Variants in ZNF865 observed in about 807,000 individuals in gnomAD.
The protein encoded by ZNF865 is zinc finger protein 865.
For missense variants in ZNF865, 1,311 were observed against 1,593.4 expected, an observed-to-expected ratio of 0.82 and a Z score of 3.02; for synonymous variants, 763 against 750.8, an observed-to-expected ratio of 1.02 and a Z score of -0.27.
In ZNF865 at chr19:55,614,122, G is replaced by C; in HGVS notation, c.504G>C (p.Ala168=). ...LFGNLKRGGP[A]SGPGVTPGLG... ...GGAACCTGAAGCGAGGAGGGCCCGCGTCCGGGCCGGGGGTGACGCCTGGGC... is the reference window on the plus strand; with the variant it reads ...GGAACCTGAAGCGAGGAGGGCCCGCCTCCGGGCCGGGGGTGACGCCTGGGC... Residue 168 remains alanine (A), a synonymous_variant, in exon 2 of 2, where the codon GCG becomes GCC. Transcript: ENST00000568956. The surrounding 1 kb of genome is among the most constrained non-coding windows in gnomAD (Gnocchi z 8.0). The C allele has an allele frequency of 7.0e-7, 1 of 1,428,548 alleles. No homozygotes were observed. Among genetic ancestry groups the C allele is most frequent in the Non-Finnish European group, 9.1e-7 (1 of 1,100,880 alleles). The allele number at this position is 1,428,548 out of a possible 1,614,324, so 88.5% of individuals were successfully genotyped here. A position where few individuals can be genotyped will look rare whatever the true frequency, so the allele number is the denominator to read the frequency against.
In ZNF865 at chr19:55,615,631, C is replaced by T; in HGVS notation, c.2013C>T (p.Cys671=). 1 of 1,534,548 alleles carries T rather than the reference C, an allele frequency of 6.5e-7. No homozygotes were observed. Among genetic ancestry groups the T allele is most frequent in the Non-Finnish European group, 8.7e-7 (1 of 1,146,230 alleles). ...AGPTDGLSYA[C]SDCGEHFPDL... ...CCACCGATGGGCTGAGCTACGCCTG[C>T]TCGGACTGCGGCGAGCACTTCCCGG... The change falls in exon 2 of 2, where the codon TGC becomes TGT. Residue 671 remains cysteine, a synonymous_variant. Coordinates refer to ENST00000568956, the MANE Select transcript of ZNF865 (RefSeq NM_001195605.2).
At chr19:55,613,454 G>A in intron 1 of ZNF865, 139 bp from the exon 2 acceptor site, 1 of 771,750 alleles carries the variant, frequency 1.3e-6, no homozygotes. Flanking sequence ...GGGTGGACAG[G>A]CAGAGGGACT....
At position 55,616,431 on chromosome 19, in the gene ZNF865, G is replaced by A. The variant is rs868713413; in HGVS notation, c.2813G>A (p.Gly938Asp). 7 of 1,520,110 alleles carry A rather than the reference G, an allele frequency of 4.6e-6. No individual in the cohort carries two copies. Among genetic ancestry groups the A allele is most frequent in the African/African-American group, 1.4e-5 (1 of 72,388 alleles). 94.2% of individuals were successfully genotyped at this position (1,520,110 alleles called of 1,614,324 possible). The change falls in exon 2 of 2, where the codon GGC (glycine) becomes GAC (aspartate). Residue 938 changes from glycine to aspartate, a missense_variant. Physicochemically the swap from Gly to Asp is moderately conservative, Grantham distance 94. Coordinates refer to ENST00000568956, the MANE Select transcript of ZNF865 (RefSeq NM_001195605.2). ...CGGCCCCAGCGCTGCAGCGCCTGTG[G>A]CAAGACCTTCCGCTACCGCTCCAAC... ...VARPQRCSAC[G>D]KTFRYRSNLL...
At position 55,614,636 on chromosome 19, in the gene ZNF865, C is replaced by T. The variant is rs901033817; in HGVS notation, c.1018C>T (p.Pro340Ser). The part of the protein sequence containing the change: ...SAAPAGVGVP[P>S]PATGGGDGPF... ...CGCCCCTGCTGGTGTTGGGGTGCCC[C>T]CTCCTGCCACCGGGGGTGGCGATGG... The change falls in exon 2 of 2, where the codon CCT becomes TCT. Residue 340 changes from proline to serine, a missense_variant. Transcript: ENST00000568956. This position sits in a 1 kb window ranked among gnomAD's most constrained non-coding sequence, Gnocchi z 8.0. 1 of 1,532,950 alleles carries T rather than the reference C, an allele frequency of 6.5e-7. No homozygotes were observed. Among genetic ancestry groups the T allele is most frequent in the African/African-American group, 1.4e-5 (1 of 72,738 alleles). 95.0% of individuals were successfully genotyped at this position (1,532,950 alleles called of 1,614,324 possible).
intron 1 of ZNF865, chr19:55,612,615 C>A (rs994137947): frequency 6.6e-6 from 1 of 152,494 alleles, no homozygotes; most frequent in African/African-American, 2.4e-5. Context: ...AGCTCTCCTG[C>A]CTCAGCCTCC....
chr19:55,606,650 C>T (rs1980954613), intron 1 of ZNF865, among the ~76,000 whole-genome samples: 1 of 152,226 alleles, frequency 6.6e-6, no homozygotes, highest in African/African-American at 2.4e-5. Context: ...AGGCTATCGT[C>T]CTGGACTCCC....
Position 55,613,790 on chromosome 19 carries a change from C to T in ZNF865, c.172C>T (p.Leu58=). The T allele has an allele frequency of 6.5e-7, 1 of 1,529,996 alleles. No individual in the cohort carries two copies. The highest frequency in any genetic ancestry group is 1.7e-4 in the Middle Eastern group (1 of 5,796). The allele number at this position is 1,529,996 out of a possible 1,614,324, so 94.8% of individuals were successfully genotyped here. A position where few individuals can be genotyped will look rare whatever the true frequency, so the allele number is the denominator to read the frequency against. Residue 58 remains leucine (L), a synonymous_variant, in exon 2 of 2, where the codon CTG becomes TTG. Transcript: ENST00000568956. The stretch of plus-strand genomic sequence containing the variant: ...GGAACACGCCAAGGCGGTGGCGGCC[C>T]TGCCCTGCGCCCCCGGCCCCCCGCC... ...YGEHAKAVAA[L]PCAPGPPPQP...
At chr19:55,608,259 G>T (rs954363114) in intron 1 of ZNF865, among the ~76,000 whole-genome samples, 14 of 151,990 alleles carry the variant, frequency 9.2e-5, no homozygotes, top group Non-Finnish European at 2.1e-4. Flanking sequence ...GAATAGAGTG[G>T]GCACATGGGA....
At position 55,613,964 on chromosome 19, in the gene ZNF865, T is replaced by G; in HGVS notation, c.346T>G (p.Ser116Ala). Reference protein sequence around the residue: ...SSSSSSSSSSSSQAKKPDPPL... With the variant: ...SSSSSSSSSSASQAKKPDPPL... ...CTCGTCGTCATCTTCGTCCTCTTCCTCTTCCCAAGCCAAGAAGCCCGATCC... is the reference window on the plus strand; with the variant it reads ...CTCGTCGTCATCTTCGTCCTCTTCCGCTTCCCAAGCCAAGAAGCCCGATCC... The change falls in exon 2 of 2, where the codon TCT becomes GCT. Residue 116 changes from serine (S) to alanine (A), a missense_variant. By Grantham distance (99) the Ser-to-Ala change is moderately conservative. Coordinates refer to ENST00000568956, the MANE Select transcript of ZNF865 (RefSeq NM_001195605.2). 6.5e-7 allele frequency: 1 copy of G among 1,530,956 alleles called. No homozygotes were observed. Among genetic ancestry groups the G allele is most frequent in the Non-Finnish European group, 8.7e-7 (1 of 1,144,506 alleles). The allele number at this position is 1,530,956 out of a possible 1,614,324, so 94.8% of individuals were successfully genotyped here. A position where few individuals can be genotyped will look rare whatever the true frequency, so the allele number is the denominator to read the frequency against.
chr19:55,615,745 C>G lies in ZNF865; in HGVS notation c.2127C>G (p.Ile709Met). Residue 709 changes from isoleucine (I) to methionine (M), a missense_variant, in exon 2 of 2, where the codon ATC (isoleucine) becomes ATG (methionine). Physicochemically the swap from Ile to Met is conservative, Grantham distance 10 (BLOSUM62 1). Coordinates refer to ENST00000568956, the MANE Select transcript of ZNF865 (RefSeq NM_001195605.2). The stretch of plus-strand genomic sequence containing the variant: ...CCTGCGGCAAGACCTTCGGCTTCAT[C>G]GAGAACCTCATGTGGCACAAGCTGG... Reference protein sequence around the residue: ...CDACGKTFGFIENLMWHKLVH... With the variant: ...CDACGKTFGFMENLMWHKLVH... 6.5e-7 allele frequency: 1 copy of G among 1,533,054 alleles called. No homozygotes were observed. Among genetic ancestry groups the G allele is most frequent in the Non-Finnish European group, 8.7e-7 (1 of 1,145,584 alleles). 95.0% of individuals were successfully genotyped at this position (1,533,054 alleles called of 1,614,324 possible). A position where few individuals can be genotyped will look rare whatever the true frequency, so the allele number is the denominator to read the frequency against.
rs576843974 is a variant in ZNF865 at position 55,617,198 on chromosome 19, G to A, written c.*400G>A. The A allele has an allele frequency of 1.3e-5, 2 of 156,794 alleles. No individual in the cohort carries two copies. The highest frequency in any genetic ancestry group is 2.7e-5 in the Non-Finnish European group (2 of 73,058). The allele number at this position is 156,794 out of a possible 1,614,324, so 9.7% of individuals were successfully genotyped here. On this transcript the variant is annotated 3_prime_UTR_variant, in exon 2 of 2. Coordinates refer to ENST00000568956, the MANE Select transcript of ZNF865 (RefSeq NM_001195605.2). ...GGGAGTGCTGGGTGCTTTTTGGGGT[G>A]GGGGGGTGGGGGGCGGGGTGGCAGA...
rs1205262589 is a variant in ZNF865 at position 55,614,046 on chromosome 19, C to A, written c.428C>A (p.Pro143His). 6.7e-7 allele frequency: 1 copy of A among 1,483,434 alleles called. No homozygotes were observed. The highest frequency in any genetic ancestry group is 1.3e-5 in the South Asian group (1 of 75,560). The allele number at this position is 1,483,434 out of a possible 1,614,324, so 91.9% of individuals were successfully genotyped here. The part of the protein sequence containing the change: ...PPPPLFDAAF[P>H]TPQWGIVDLS... ...CCTCCCCTCTTTGACGCTGCTTTCC[C>A]CACTCCGCAGTGGGGCATCGTGGAC... is the stretch of plus-strand genomic sequence containing the variant. The change falls in exon 2 of 2, where the codon CCC (proline) becomes CAC (histidine). Residue 143 changes from proline to histidine, a missense_variant. Coordinates refer to ENST00000568956, the MANE Select transcript of ZNF865 (RefSeq NM_001195605.2). This position sits in a 1 kb window ranked among gnomAD's most constrained non-coding sequence, Gnocchi z 8.0.
At position 55,616,742 on chromosome 19, in the gene ZNF865, G is replaced by A. The variant is rs1033654463; in HGVS notation, c.3124G>A (p.Glu1042Lys). 115 of 1,489,358 alleles carry A rather than the reference G, an allele frequency of 7.7e-5. No individual in the cohort carries two copies. The highest frequency in any genetic ancestry group is 1.0e-4 in the Non-Finnish European group (112 of 1,124,192). The allele number at this position is 1,489,358 out of a possible 1,614,324, so 92.3% of individuals were successfully genotyped here. A position where few individuals can be genotyped will look rare whatever the true frequency, so the allele number is the denominator to read the frequency against. ...GAAACACCGCCTGGCGCACAAGGCC[G>A]AGAACCTCGGGGGGCCTGGAGCAGG... ...LKKHRLAHKA[E>K]NLGGPGAGAG... is the part of the protein sequence containing the mutation. Residue 1042 changes from glutamate (E) to lysine (K), a missense_variant, in exon 2 of 2, where the codon GAG becomes AAG. Physicochemically the swap from Glu to Lys is moderately conservative, Grantham distance 56. Coordinates refer to ENST00000568956, the MANE Select transcript of ZNF865 (RefSeq NM_001195605.2).
In ZNF865 at chr19:55,616,888, T is replaced by C. The variant is rs1287974242; in HGVS notation, c.*90T>C. On this transcript the variant is annotated 3_prime_UTR_variant, in exon 2 of 2. Transcript: ENST00000568956. ...TCAGACTCTTCCCCCCTCCTCGCTG[T>C]TGCCCCATCCTTCAGAACTTCACAC... is the stretch of plus-strand genomic sequence containing the variant. The C allele has an allele frequency of 6.0e-6, 8 of 1,333,184 alleles. No homozygotes were observed. The highest frequency in any genetic ancestry group is 7.8e-6 in the Non-Finnish European group (8 of 1,025,186). 82.6% of individuals were successfully genotyped at this position (1,333,184 alleles called of 1,614,324 possible).
rs1294460786 is a variant in ZNF865, at chr19:55,616,976, CCT to C, written c.*183_*184del. 3 of 564,156 alleles carry C rather than the reference CCT, an allele frequency of 5.3e-6. No homozygotes were observed. The highest frequency in any genetic ancestry group is 8.6e-6 in the Non-Finnish European group (3 of 347,742). The allele number at this position is 564,156 out of a possible 1,614,324, so 34.9% of individuals were successfully genotyped here. ...AAGACTGAATCACTCCCATCCTCGA[CCT>C]CTCTGCCCTCCCCTCATCCCATCAG... On this transcript the variant is annotated 3_prime_UTR_variant, in exon 2 of 2. Coordinates refer to ENST00000568956, the MANE Select transcript of ZNF865 (RefSeq NM_001195605.2).
chr19:55,615,141 CGGCCGCGGCGGCGGT>C lies in ZNF865; in HGVS notation c.1526_1540del (p.Ala509_Val513del), dbSNP rs940445104. The C allele has an allele frequency of 4.4e-5, 52 of 1,187,086 alleles. No individual in the cohort carries two copies. Among genetic ancestry groups the C allele is most frequent in the African/African-American group, 1.7e-4 (10 of 60,570 alleles). The allele number at this position is 1,187,086 out of a possible 1,614,324, so 73.5% of individuals were successfully genotyped here. ...ACCACAGACAGCGAGAAGGCGGCGG[CGGCCGCGGCGGCGGT>C]GGTGTACGGCGCTGTGCCCGTCCCG... On this transcript the variant is annotated inframe_deletion, in exon 2 of 2. Transcript: ENST00000568956.
intron 1 of ZNF865, among the ~76,000 whole-genome samples, chr19:55,610,294 CTT>C (rs1246755066): frequency 6.6e-6 from 1 of 152,178 alleles, no homozygotes; most frequent in Non-Finnish European, 1.5e-5. Context: ...GAGTCGCGCT[CTT>C]GTTGCCCAGG....
At chr19:55,607,400 G>A (rs1980981390) in intron 1 of ZNF865, among the ~76,000 whole-genome samples, 1 of 129,284 alleles carries the variant, frequency 7.7e-6, no homozygotes, top group Non-Finnish European at 1.6e-5. Flanking sequence ...AGGAGTTCAA[G>A]ACCAACCTCG....
In ZNF865 at chr19:55,616,794, C is replaced by G; in HGVS notation, c.3176C>G (p.Ala1059Gly). ...GCGGGCACCTTGGCCGGGAAGGATG[C>G]CTGACCGAGGGGTTCCCATCCCACT... ...AGAGTLAGKD[A>G] Residue 1059 changes from alanine to glycine, a missense_variant, in exon 2 of 2, where the codon GCC (alanine) becomes GGC (glycine). Ala to Gly is a moderately conservative substitution (Grantham distance 60, BLOSUM62 0). Coordinates refer to ENST00000568956, the MANE Select transcript of ZNF865 (RefSeq NM_001195605.2). 6.9e-7 allele frequency: 1 copy of G among 1,442,320 alleles called. No individual in the cohort carries two copies. Among genetic ancestry groups the G allele is most frequent in the Non-Finnish European group, 9.1e-7 (1 of 1,103,040 alleles). 89.3% of individuals were successfully genotyped at this position (1,442,320 alleles called of 1,614,324 possible).
Sources: allele counts gnomAD v4.1 joint callset (sites outside exome capture counted in the v4.1 genomes callset), GRCh38; gene constraint gnomAD v4.1.1; non-coding constraint Gnocchi (gnomAD v3.1); transcripts MANE v1.5; gene names NCBI Gene and HGNC (gene_info 2026-07-23, HGNC 2026-07-21).